Variants in PPP4R1 observed in about 807,000 individuals in gnomAD.
PPP4R1 encodes protein phosphatase 4 regulatory subunit 1, also known as serine/threonine-protein phosphatase 4 regulatory subunit 1.
A neutral mutation model predicts 111.2 loss-of-function variants in PPP4R1; 42 were observed. That is an observed-to-expected ratio of 0.38 (90% CI 0.29 to 0.49). The LOEUF (loss-of-function observed/expected upper bound fraction) is 0.49. Among genes scored for constraint, PPP4R1 ranks in the 20% least tolerant of loss-of-function variants. The pLI, the probability that PPP4R1 is intolerant of heterozygous loss-of-function variation, is 0.97. For missense variants in PPP4R1, 1,012 were observed against 1,161.6 expected, an observed-to-expected ratio of 0.87 and a Z score of 1.87; for synonymous variants, 409 against 405.5, an observed-to-expected ratio of 1.01 and a Z score of -0.10.
At chr18:9,604,796 C>T (rs1029724177) in intron 2 of PPP4R1, among the ~76,000 whole-genome samples, 1 of 152,048 alleles carries the variant, frequency 6.6e-6, no homozygotes, top group African/African-American at 2.4e-5. Context: ...GATTGTCTTG[C>T]TAAACTTTTC....
chr18:9,567,183 C>T (rs2066782079), intron 11 of PPP4R1, among the ~76,000 whole-genome samples: 1 of 152,104 alleles, frequency 6.6e-6, no homozygotes, highest in African/African-American at 2.4e-5. Flanking sequence ...AAAATATCCA[C>T]ATTAAAGGGA....
chr18:9,580,463 C>A (rs936749153), intron 9 of PPP4R1, among the ~76,000 whole-genome samples: 1 of 151,900 alleles, frequency 6.6e-6, no homozygotes, highest in Non-Finnish European at 1.5e-5. Flanking sequence ...CATTCTCCTG[C>A]CTCAGCCTCC....
At chr18:9,614,588 G>T, upstream of PPP4R1, 1 of 760,416 alleles carries the variant, frequency 1.3e-6, no homozygotes, top group South Asian at 5.7e-5. The surrounding 1 kb of genome is among the most constrained non-coding windows in gnomAD (Gnocchi z 4.1). Context: ...CGGCGGGGAG[G>T]AGGAGGGCCG....
At chr18:9,565,987 T>C (rs2066758558) in intron 11 of PPP4R1, among the ~76,000 whole-genome samples, 1 of 152,088 alleles carries the variant, frequency 6.6e-6, no homozygotes, top group African/African-American at 2.4e-5. Flanking sequence ...CTTGGCTCAC[T>C]GCAACCCCTG....
At position 9,609,052 on chromosome 18, in the gene PPP4R1, GTC is replaced by G. The variant is rs113826727; in HGVS notation, c.52+5172_52+5173del. On this transcript the variant is annotated intron_variant, in intron 2 of 19. Coordinates refer to ENST00000400556, the MANE Select transcript of PPP4R1 (RefSeq NM_001042388.3). The stretch of plus-strand genomic sequence containing the variant: ...TATTTACAAAGGGGTTTTTCTCTCT[GTC>G]TCTCTCTCTCTCTCTTTCAATTTTA... Among the ~76,000 whole-genome samples the G allele has an allele frequency of 3.3e-5, 5 of 151,268 alleles. No individual in the cohort carries two copies. In the East Asian group the frequency reaches 5.8e-4, roughly 18 times the overall value.
At chr18:9,561,230 A>G (rs2066670201) in intron 13 of PPP4R1, among the ~76,000 whole-genome samples, 1 of 137,202 alleles carries the variant, frequency 7.3e-6, no homozygotes, top group Admixed American at 7.0e-5. Flanking sequence ...AATAATAATA[A>G]TAATAATAAT....
chr18:9,602,389 AAAAAAAATTAGCC>A (rs2067401009), intron 2 of PPP4R1, among the ~76,000 whole-genome samples: 1 of 148,776 alleles, frequency 6.7e-6, no homozygotes, highest in Non-Finnish European at 1.5e-5. Context: ...AAAAAAAAAA[AAAAAAAATTAGCC>A]GGGCGTGGTG....
chr18:9,564,721 TGTGTGTGTGTGTGTGTGGGG>T (rs749588014), intron 11 of PPP4R1, among the ~76,000 whole-genome samples: 17,282 of 81,330 alleles, frequency 0.21, 1,191 homozygotes, highest in Middle Eastern at 0.35. Flanking sequence ...TGTGTGTGTG[TGTGTGTGTGTGTGTGTGGGG>T]GTATCATCCC....
In PPP4R1 at chr18:9,593,985, TG is replaced by T. The variant is rs1156305146; in HGVS notation, c.189-112del. ...TCCTGTTGCCCAGGCCGGAGTGTAATGGTGTGATCACGGCTAACTGCAGCAT... is the reference window on the plus strand; with the variant it reads ...TCCTGTTGCCCAGGCCGGAGTGTAATGTGTGATCACGGCTAACTGCAGCAT... On this transcript the variant is annotated intron_variant, in intron 3 of 19. Transcript: ENST00000400556. 7 of 806,090 alleles carry T rather than the reference TG, an allele frequency of 8.7e-6. No individual in the cohort carries two copies. In the African/African-American group the frequency reaches 1.2e-4, roughly 14 times the overall value. 49.9% of individuals were successfully genotyped at this position (806,090 alleles called of 1,614,324 possible).
chr18:9,614,657 C>G, upstream of PPP4R1: 1 of 158,456 alleles, frequency 6.3e-6, no homozygotes, highest in Non-Finnish European at 1.3e-5. This position sits in a 1 kb window ranked among gnomAD's most constrained non-coding sequence, Gnocchi z 4.1. Flanking sequence ...GCGGGCGGCG[C>G]GGCTCCCGGC....
intron 11 of PPP4R1, among the ~76,000 whole-genome samples, chr18:9,567,612 T>C (rs182069331): frequency 5.0e-4 from 76 of 152,334 alleles, no homozygotes; most frequent in Non-Finnish European, 8.5e-4. Context: ...GCTGTGAACA[T>C]TGTTGAAATG....
chr18:9,554,367 G>A (rs1379635032), intron 15 of PPP4R1, among the ~76,000 whole-genome samples: 1 of 152,066 alleles, frequency 6.6e-6, no homozygotes, highest in Non-Finnish European at 1.5e-5. Context: ...GACCTCAGGT[G>A]ATCCGCTCGC....
intron 4 of PPP4R1, among the ~76,000 whole-genome samples, chr18:9,591,652 T>C (rs998411368): frequency 6.6e-6 from 1 of 152,216 alleles, no homozygotes; most frequent in Admixed American, 6.5e-5. Context: ...GCTATCACAA[T>C]AAGCCCAGTC....
chr18:9,594,063 G>C, intron 3 of PPP4R1, 189 bp from the exon 4 acceptor site: 2 of 515,234 alleles, frequency 3.9e-6, no homozygotes, highest in South Asian at 2.1e-5. Context: ...GAGTAGCTGA[G>C]ACTACAGGCA....
chr18:9,601,219 G>GA (rs1167894771), intron 2 of PPP4R1, among the ~76,000 whole-genome samples: 48 of 140,846 alleles, frequency 3.4e-4, no homozygotes, highest in Non-Finnish European at 4.2e-4. Context: ...TTTTTTTGGG[G>GA]AAAAAAAAAA....
chr18:9,584,600 T>G lies in PPP4R1; in HGVS notation c.694-20A>C. On this transcript the variant is annotated intron_variant, in intron 7 of 19. Coordinates refer to ENST00000400556, the MANE Select transcript of PPP4R1 (RefSeq NM_001042388.3). Reference sequence around the variant, plus strand: ...ACAGACCTGACAACAAAAGCATCATTGACATTTCAAAATATTACACATAAG... The same window carrying G: ...ACAGACCTGACAACAAAAGCATCATGGACATTTCAAAATATTACACATAAG... 1 of 1,609,632 alleles carries G rather than the reference T, an allele frequency of 6.2e-7. No homozygotes were observed.
intron 10 of PPP4R1, among the ~76,000 whole-genome samples, chr18:9,571,728 G>A (rs775866770): frequency 6.6e-6 from 1 of 152,178 alleles, no homozygotes; most frequent in Non-Finnish European, 1.5e-5. Context: ...ACATGCAAAG[G>A]CCGGAGTGGC....
At chr18:9,572,201 A>T (rs1300969616) in intron 10 of PPP4R1, among the ~76,000 whole-genome samples, 3 of 152,210 alleles carry the variant, frequency 2.0e-5, no homozygotes, top group Non-Finnish European at 4.4e-5. Flanking sequence ...GTAAAGACTG[A>T]GACAGAGGTG....
chr18:9,553,665 G>A (rs1318440018), intron 15 of PPP4R1, among the ~76,000 whole-genome samples: 1 of 152,234 alleles, frequency 6.6e-6, no homozygotes. Flanking sequence ...AATGAGCCAC[G>A]CTAAACCCCA....
Sources: allele counts gnomAD v4.1 joint callset (sites outside exome capture counted in the v4.1 genomes callset), GRCh38; gene constraint gnomAD v4.1.1; non-coding constraint Gnocchi (gnomAD v3.1); transcripts MANE v1.5; gene names NCBI Gene and HGNC (gene_info 2026-07-23, HGNC 2026-07-21).